The following IQCM variants were observed in gnomAD, a reference collection of about 807,000 sequenced individuals.
The protein encoded by IQCM is IQ domain-containing protein M.
A neutral mutation model predicts 57.6 loss-of-function variants in IQCM; 45 were observed. That is an observed-to-expected ratio of 0.78 (90% CI 0.62 to 1.00). The LOEUF (loss-of-function observed/expected upper bound fraction) is 1.00, where lower values mean the gene tolerates loss of function less well. Among genes scored for constraint, IQCM ranks in the 50% least tolerant of loss-of-function variants. The pLI is 0.00. For synonymous variants in IQCM, 148 were observed against 158.9 expected, an observed-to-expected ratio of 0.93 and a Z score of 0.51; for missense variants, 468 against 511.6, an observed-to-expected ratio of 0.91 and a Z score of 0.82.
At chr4:149,705,183 AAATAT>A (rs1305599902) in intron 5 of IQCM, among the ~76,000 whole-genome samples, 1 of 145,402 alleles carries the variant, frequency 6.9e-6, no homozygotes, top group East Asian at 2.0e-4. Context: ...TATAAAAATA[AAATAT>A]ATTTATATAT....
Position 149,409,284 on chromosome 4 carries a change from A to G in IQCM, c.1390+24112T>C, listed in dbSNP as rs1428094856. On this transcript the variant is annotated intron_variant, in intron 13 of 13. Transcript: ENST00000636793. ...AGCATGTGTGAATTGACAGACTGAA[A>G]GGCTTAGCAGGGGTTGGACTGTGGC... is the stretch of plus-strand genomic sequence containing the variant. Among the ~76,000 whole-genome samples, 6 of 152,340 alleles carry G rather than the reference A, an allele frequency of 3.9e-5. No individual in the cohort carries two copies. In the East Asian group the frequency reaches 9.7e-4, roughly 25 times the overall value.
At chr4:149,466,678 C>A (rs907269567) in intron 12 of IQCM, among the ~76,000 whole-genome samples, 6 of 152,164 alleles carry the variant, frequency 3.9e-5, no homozygotes, top group Non-Finnish European at 1.5e-5. Flanking sequence ...GAATGTAAAT[C>A]TCAACAGAGA....
chr4:149,484,264 T>C (rs1741228073), intron 12 of IQCM, among the ~76,000 whole-genome samples: 1 of 151,970 alleles, frequency 6.6e-6, no homozygotes, highest in Admixed American at 6.6e-5. Context: ...TCAGCCGCTT[T>C]ATGTCTTTTG....
chr4:149,732,131 C>A (rs1316041225), intron 5 of IQCM, among the ~76,000 whole-genome samples: 1 of 152,154 alleles, frequency 6.6e-6, no homozygotes, highest in African/African-American at 2.4e-5. Context: ...TCTTCCCCCA[C>A]CTACAGCTTT....
intron 11 of IQCM, among the ~76,000 whole-genome samples, chr4:149,549,581 T>C (rs1478959453): frequency 6.6e-6 from 1 of 152,142 alleles, no homozygotes; most frequent in Non-Finnish European, 1.5e-5. Context: ...ATTTCTTTTT[T>C]TCTCTTTTCA....
intron 9 of IQCM, 146 bp downstream of exon 9, chr4:149,587,784 A>T (rs1284563279): frequency 2.5e-6 from 1 of 392,158 alleles, no homozygotes; most frequent in Non-Finnish European, 4.4e-6. Flanking sequence ...GTCAAATTAA[A>T]AGGCCACATT....
chr4:149,435,077 G>A (rs1259676712), intron 12 of IQCM, among the ~76,000 whole-genome samples: 2 of 152,094 alleles, frequency 1.3e-5, no homozygotes, highest in Admixed American at 6.6e-5. Flanking sequence ...CTCTGCCTCA[G>A]ACCAAGGGGT....
chr4:149,434,710 C>T lies in IQCM; in HGVS notation c.1229-1153G>A, dbSNP rs140512316. ...GTGAGGCTAGAACACTTCTTCCTCA[C>T]AATATGGCATGATTTTAAGTATAAA... On this transcript the variant is annotated intron_variant, in intron 12 of 13. Transcript: ENST00000636793. Among the ~76,000 whole-genome samples, 175 of 152,098 alleles carry T rather than the reference C, an allele frequency of 1.2e-3. 2 individuals are homozygous for T. The East Asian group carries it at 0.029, about 26-fold the overall frequency.
At chr4:149,456,148 A>C (rs1294236036) in intron 12 of IQCM, among the ~76,000 whole-genome samples, 1 of 152,072 alleles carries the variant, frequency 6.6e-6, no homozygotes, top group African/African-American at 2.4e-5. Flanking sequence ...GACCCAAAGA[A>C]ACAGGAAAAT....
chr4:149,726,092 A>AAAGG (rs1765882193), intron 5 of IQCM, among the ~76,000 whole-genome samples: 1 of 144,486 alleles, frequency 6.9e-6, no homozygotes, highest in Admixed American at 6.9e-5. Context: ...AGAAAGAAAG[A>AAAGG]AAGAAAGAAA....
intron 12 of IQCM, among the ~76,000 whole-genome samples, chr4:149,457,256 G>C (rs1042409251): frequency 6.6e-6 from 1 of 151,928 alleles, no homozygotes; most frequent in Non-Finnish European, 1.5e-5. Flanking sequence ...TCTAAAAAAG[G>C]AGTGTCCTAT....
At chr4:149,440,298 T>G (rs550640908) in intron 12 of IQCM, among the ~76,000 whole-genome samples, 2 of 152,022 alleles carry the variant, frequency 1.3e-5, no homozygotes, top group South Asian at 4.2e-4. Context: ...TAAATTAAAT[T>G]TGAATTACCC....
At chr4:149,714,956 A>T (rs1323844044) in intron 5 of IQCM, among the ~76,000 whole-genome samples, 1 of 152,212 alleles carries the variant, frequency 6.6e-6, no homozygotes, top group Non-Finnish European at 1.5e-5. Flanking sequence ...TATAATTTAA[A>T]ACTTATGAAT....
chr4:149,666,238 A>T (rs186551332), intron 7 of IQCM: 3 of 152,338 alleles, frequency 2.0e-5, no homozygotes, highest in Non-Finnish European at 2.9e-5. Context: ...GGTTCATCTC[A>T]TTGGGACTGG....
intron 13 of IQCM, among the ~76,000 whole-genome samples, chr4:149,400,201 A>T (rs1043745521): frequency 2.0e-5 from 3 of 149,146 alleles, no homozygotes. Context: ...CATCAGGAAT[A>T]GGTTTTTTTT....
chr4:149,704,516 C>T (rs564366215), intron 5 of IQCM, among the ~76,000 whole-genome samples: 4 of 151,940 alleles, frequency 2.6e-5, no homozygotes, highest in African/African-American at 9.6e-5. Context: ...TACTATCTCA[C>T]CCTTTACAGA....
At position 149,528,952 on chromosome 4, in the gene IQCM, A is replaced by G. The variant is rs561170965; in HGVS notation, c.1228+19503T>C. Among the ~76,000 whole-genome samples the G allele has an allele frequency of 1.0e-3, 154 of 152,158 alleles. No homozygotes were observed. The Middle Eastern group carries it at 0.014, about 13-fold the overall frequency. On this transcript the variant is annotated intron_variant, in intron 12 of 13. Transcript: ENST00000636793. The stretch of plus-strand genomic sequence containing the variant: ...CTAAAGGGTCTTCATTAAATAATAT[A>G]CTCCTTTAATAAGTGAAAAAGTAGC...
At chr4:149,356,137 G>C (rs973718657) in intron 13 of IQCM, among the ~76,000 whole-genome samples, 1 of 152,120 alleles carries the variant, frequency 6.6e-6, no homozygotes, top group Non-Finnish European at 1.5e-5. Flanking sequence ...GTAGATTCTG[G>C]ATATTAGCCG....
At chr4:149,659,429 C>A (rs910305961) in intron 7 of IQCM, among the ~76,000 whole-genome samples, 1 of 152,032 alleles carries the variant, frequency 6.6e-6, no homozygotes, top group African/African-American at 2.4e-5. Context: ...AGATTCAATG[C>A]CATCTCCATC....
Sources: gnomAD v4.1 joint callset for allele counts (sites outside exome capture counted in the v4.1 genomes callset) on GRCh38, gnomAD v4.1.1 for gene constraint, MANE v1.5 for transcripts, NCBI Gene and HGNC (gene_info 2026-07-23, HGNC 2026-07-21) for gene names.